The following AFF2 variants were observed in gnomAD, a reference collection of about 807,000 sequenced individuals.
AFF2 encodes AF4/FMR2 family member 2.
Under a neutral mutation model 76.9 loss-of-function variants are expected in AFF2, and 14 were observed. The ratio of observed to expected loss-of-function variants is 0.18; its 90% confidence interval spans 0.12 to 0.28. The LOEUF (loss-of-function observed/expected upper bound fraction) is 0.28, where lower values mean the gene tolerates loss of function less well. Among genes scored for constraint, AFF2 ranks in the 10% least tolerant of loss-of-function variants. The pLI is 1.00. For synonymous variants in AFF2, 398 were observed against 366.7 expected (o/e 1.09, Z -0.98); for missense variants, 868 against 1,001.1 (o/e 0.87, Z 1.79).
At chrX:148,986,593 C>G (rs782771568) in intron 19 of AFF2, among the ~76,000 whole-genome samples, 1 of 112,965 alleles carries the variant, frequency 8.9e-6, no homozygotes, top group South Asian at 3.7e-4. Flanking sequence ...TGTAGCATGT[C>G]TTAAAGAATC....
At position 148,542,367 on chromosome X, in the gene AFF2, G is replaced by T. The variant is rs782269459; in HGVS notation, c.47+41223G>T. Among the ~76,000 whole-genome samples, 20 of 109,653 alleles carry T rather than the reference G, an allele frequency of 1.8e-4. No homozygotes were observed. In the East Asian group the frequency reaches 5.3e-3, roughly 29 times the overall value. On this transcript the variant is annotated intron_variant, in intron 1 of 20. Transcript: ENST00000370460. ...GTTTTTTCTTGAAAGGGATAGTGAGGTCAATTCTATGCTCAATCCTTGCCA... is the reference window on the plus strand; with the variant it reads ...GTTTTTTCTTGAAAGGGATAGTGAGTTCAATTCTATGCTCAATCCTTGCCA...
chrX:148,699,994 A>G (rs188365598), intron 3 of AFF2, among the ~76,000 whole-genome samples: 1 of 111,987 alleles, frequency 8.9e-6, no homozygotes, highest in East Asian at 2.8e-4. Context: ...ATCGTTTTAC[A>G]AATGGGATGT....
intron 1 of AFF2, among the ~76,000 whole-genome samples, chrX:148,616,588 T>C (rs1557250389): frequency 2.7e-5 from 3 of 111,045 alleles, no homozygotes; most frequent in African/African-American, 9.8e-5. Flanking sequence ...TTTATTATTA[T>C]TATACTTTAA....
At chrX:148,985,228 C>T (rs76990189) in intron 19 of AFF2, among the ~76,000 whole-genome samples, 1,644 of 104,474 alleles carry the variant, frequency 0.016, 40 homozygotes, top group African/African-American at 0.055. Context: ...TCAGGTGATC[C>T]GACCCCCTTG....
At chrX:148,753,299 A>C (rs1227166931) in intron 3 of AFF2, among the ~76,000 whole-genome samples, 8 of 112,200 alleles carry the variant, frequency 7.1e-5, no homozygotes, top group Non-Finnish European at 1.3e-4. Context: ...AATTCTTCAA[A>C]AGAATCCATG....
At chrX:148,704,418 A>G (rs1246511642) in intron 3 of AFF2, among the ~76,000 whole-genome samples, 23 of 8,547 alleles carry the variant, frequency 2.7e-3, no homozygotes, top group South Asian at 5.8e-3. Flanking sequence ...ATATATGTGT[A>G]GATATATATT....
intron 3 of AFF2, among the ~76,000 whole-genome samples, chrX:148,674,679 G>C (rs782083510): frequency 8.9e-6 from 1 of 111,911 alleles, no homozygotes; most frequent in Admixed American, 9.4e-5. Context: ...TGGACTCCCA[G>C]CGCAGGAAAC....
chrX:148,791,095 A>G (rs144678497), intron 3 of AFF2, among the ~76,000 whole-genome samples: 7 of 112,363 alleles, frequency 6.2e-5, no homozygotes, highest in African/African-American at 2.3e-4. Flanking sequence ...AGGTCAATAC[A>G]TATTATTCTA....
chrX:148,791,960 C>A (rs1046486998), intron 3 of AFF2, among the ~76,000 whole-genome samples: 19 of 110,523 alleles, frequency 1.7e-4, no homozygotes, highest in African/African-American at 5.6e-4. Context: ...AATAATGAAA[C>A]ATCTTATATT....
In AFF2 at chrX:148,956,111, C is replaced by G. The variant is rs1557287276; in HGVS notation, c.2066C>G (p.Pro689Arg). 1 of 1,210,846 alleles carries G rather than the reference C, an allele frequency of 8.3e-7. No homozygotes were observed. The highest frequency in any genetic ancestry group is 1.8e-5 in the South Asian group (1 of 56,788). Residue 689 changes from proline to arginine, a missense_variant, in exon 11 of 21, where the codon CCT becomes CGT. By Grantham distance (103) the Pro-to-Arg change is moderately radical (BLOSUM62 -2). This residue lies in a region of AFF2 where 532 missense variants were observed against 564.2 expected (regional missense o/e 0.94). Transcript: ENST00000370460. Reference protein sequence around the residue: ...APRKEPRPNIPLAPEKKKYRG... With the variant: ...APRKEPRPNIRLAPEKKKYRG... ...AGGAAAGAACCAAGACCTAACATCC[C>G]TTTGGCTCCCGAGAAGAAGAAGTAC...
At chrX:148,685,536 A>G (rs2054592149) in intron 3 of AFF2, among the ~76,000 whole-genome samples, 1 of 111,951 alleles carries the variant, frequency 8.9e-6, no homozygotes, top group Non-Finnish European at 1.9e-5. Context: ...AGCATTCAGT[A>G]TTATCATTAA....
chrX:148,686,495 G>A lies in AFF2; in HGVS notation c.1041+23727G>A, dbSNP rs1170119116. On this transcript the variant is annotated intron_variant, in intron 3 of 20. Transcript: ENST00000370460. ...CTGTATGAGTTATTGTTCTGAGCAG[G>A]ACAGTTTTGAAAGTGAAAAGGGGCA... 5.4e-5 allele frequency among the ~76,000 whole-genome samples: 6 copies of A among 111,620 alleles called. No homozygotes were observed. The Admixed American group carries it at 5.7e-4, about 11-fold the overall frequency.
At chrX:148,845,666 T>G (rs2070658217) in intron 7 of AFF2, among the ~76,000 whole-genome samples, 2 of 112,326 alleles carry the variant, frequency 1.8e-5, no homozygotes, top group Non-Finnish European at 3.8e-5. Flanking sequence ...TCTCCCACAT[T>G]TAACTACAGT....
intron 19 of AFF2, among the ~76,000 whole-genome samples, chrX:148,983,892 T>G (rs782725046): frequency 5.6e-5 from 5 of 90,037 alleles, no homozygotes; most frequent in Non-Finnish European, 1.0e-4. Flanking sequence ...CTGGTGTTCA[T>G]TGAGAACATA....
intron 1 of AFF2, among the ~76,000 whole-genome samples, chrX:148,521,715 C>T (rs900157166): frequency 1.8e-5 from 2 of 111,775 alleles, no homozygotes; most frequent in African/African-American, 6.5e-5. Context: ...CATGGAATTA[C>T]GTATGAATAT....
In AFF2 at chrX:148,802,537, T is replaced by C. The variant is rs200339543; in HGVS notation, c.1042-7339T>C. On this transcript the variant is annotated intron_variant, in intron 3 of 20. Transcript: ENST00000370460. ...TACATATCCCTCATTATTTTTGTAC[T>C]GTTATGTGAAATACAAAACACTGGG... 6.2e-5 allele frequency among the ~76,000 whole-genome samples: 7 copies of C among 112,385 alleles called. No homozygotes were observed. In the East Asian group the frequency reaches 1.7e-3, roughly 27 times the overall value.
At chrX:148,865,481 G>C (rs1453004242) in intron 7 of AFF2, among the ~76,000 whole-genome samples, 1 of 112,046 alleles carries the variant, frequency 8.9e-6, no homozygotes, top group Non-Finnish European at 1.9e-5. Context: ...TTTATAAAGG[G>C]AGAAAGAAAC....
Position 148,636,698 on chromosome X carries a change from A to T in AFF2, c.48-15301A>T, listed in dbSNP as rs1273597795. On this transcript the variant is annotated intron_variant, in intron 1 of 20. Transcript: ENST00000370460. ...AGCAATTTTCCAAGAAAATATCAGTAAACTGAGGGAGTTCTAAAAGTTGTG... is the reference window on the plus strand; with the variant it reads ...AGCAATTTTCCAAGAAAATATCAGTTAACTGAGGGAGTTCTAAAAGTTGTG... Among the ~76,000 whole-genome samples, 3 of 112,067 alleles carry T rather than the reference A, an allele frequency of 2.7e-5. No homozygotes were observed. The East Asian group carries it at 8.4e-4, about 31-fold the overall frequency.
chrX:148,555,369 C>T (rs1199953007), intron 1 of AFF2, among the ~76,000 whole-genome samples: 2 of 112,374 alleles, frequency 1.8e-5, no homozygotes, highest in African/African-American at 3.2e-5. Context: ...TCGTTCCTTT[C>T]TCTGTATTTT....
Sources: allele counts gnomAD v4.1 joint callset (sites outside exome capture counted in the v4.1 genomes callset), GRCh38; gene constraint gnomAD v4.1.1; regional missense constraint gnomAD v4.1.1; transcripts MANE v1.5; gene names NCBI Gene and HGNC (gene_info 2026-07-23, HGNC 2026-07-21).